TRHDE: variants seen among roughly 807,000 people sequenced by gnomAD.
TRHDE encodes thyrotropin-releasing hormone-degrading ectoenzyme.
Under a neutral mutation model 125.7 loss-of-function variants are expected in TRHDE, and 72 were observed. The ratio of observed to expected loss-of-function variants is 0.57; its 90% CI spans 0.47 to 0.70. The LOEUF (loss-of-function observed/expected upper bound fraction) is 0.70, where lower values mean the gene tolerates loss of function less well. Ranked by LOEUF, TRHDE falls within the 30% of genes least tolerant of loss-of-function variation. TRHDE has a pLI of 0.00. For synonymous variants in TRHDE, 509 were observed against 509.1 expected, an observed-to-expected ratio of 1.00 and a Z score of 0.00; for missense variants, 1,110 against 1,327.1, an observed-to-expected ratio of 0.84 and a Z score of 2.54.
In TRHDE at chr12:72,220,853, T is replaced by C. The variant is rs368612059; in HGVS notation, n.279+115101T>C. On this transcript the variant is annotated intron_variant and non_coding_transcript_variant, in intron 2 of 4. Transcript: ENST00000548156. ...CTACTGGATATTTTTGATGTGGGTT[T>C]TTTTGTTGCCTTTCCTTATTATGAA... is the stretch of plus-strand genomic sequence containing the variant. Among the ~76,000 whole-genome samples the C allele has an allele frequency of 9.9e-5, 15 of 152,264 alleles. No homozygotes were observed. In the South Asian group the frequency reaches 1.9e-3, roughly 19 times the overall value.
At chr12:72,563,121 C>T in intron 9 of TRHDE, 81 bp downstream of exon 9, 1 of 1,060,096 alleles carries the variant, frequency 9.4e-7, no homozygotes, top group Non-Finnish European at 1.4e-6. Flanking sequence ...GCATTAATAA[C>T]AAAATTCTGA....
chr12:72,271,181 C>T (rs1465603189), upstream of TRHDE, among the ~76,000 whole-genome samples: 1 of 152,226 alleles, frequency 6.6e-6, no homozygotes, highest in East Asian at 1.9e-4. Flanking sequence ...TTGGCCTTTA[C>T]TTCCGGAGGA....
At chr12:72,433,159 T>C (rs1874573078) in intron 3 of TRHDE, among the ~76,000 whole-genome samples, 1 of 152,146 alleles carries the variant, frequency 6.6e-6, no homozygotes, top group Non-Finnish European at 1.5e-5. Context: ...TATTTAGCCA[T>C]GGTATATAAT....
intron 2 of TRHDE, among the ~76,000 whole-genome samples, chr12:72,352,118 G>T (rs2044305): frequency 6.6e-6 from 1 of 151,490 alleles, no homozygotes; most frequent in Non-Finnish European, 1.5e-5. Context: ...GTCATAACAG[G>T]GTTGTTGTCA....
At chr12:72,542,015 G>A (rs780063422) in intron 6 of TRHDE, among the ~76,000 whole-genome samples, 21 of 151,322 alleles carry the variant, frequency 1.4e-4, no homozygotes, top group South Asian at 4.1e-4. Flanking sequence ...AAAATATTGA[G>A]TACTCCTGAA....
intron 2 of TRHDE, among the ~76,000 whole-genome samples, chr12:72,297,043 AAC>A (rs1210430889): frequency 6.6e-6 from 1 of 152,194 alleles, no homozygotes; most frequent in African/African-American, 2.4e-5. Flanking sequence ...GGGAAATAGC[AAC>A]ACTCTTTTGT....
chr12:72,279,115 G>T (rs1300377244), intron 1 of TRHDE, among the ~76,000 whole-genome samples: 1 of 152,150 alleles, frequency 6.6e-6, no homozygotes, highest in Non-Finnish European at 1.5e-5. Context: ...CAACATGTTT[G>T]TTTATTTAAA....
intron 3 of TRHDE, among the ~76,000 whole-genome samples, chr12:72,386,595 T>A (rs1017717882): frequency 1.3e-5 from 2 of 152,188 alleles, no homozygotes; most frequent in Non-Finnish European, 2.9e-5. Flanking sequence ...TCACTCCAGC[T>A]ACTGACCCAT....
chr12:72,469,636 AAAAATCACTAAGT>A (rs1876548008), intron 3 of TRHDE, 109 bp from the exon 4 acceptor site: 1 of 1,129,874 alleles, frequency 8.9e-7, no homozygotes, highest in Non-Finnish European at 1.3e-6. Context: ...AATTTGCCAA[AAAAATCACTAAGT>A]AAAATCAAGT....
At chr12:72,531,447 ATAGATTT>A in intron 6 of TRHDE, among the ~76,000 whole-genome samples, 1 of 152,126 alleles carries the variant, frequency 6.6e-6, no homozygotes, top group Non-Finnish European at 1.5e-5. Flanking sequence ...CTTTTATCAT[ATAGATTT>A]TAAAGTTCAG....
At chr12:72,335,364 C>A (rs1002050882) in intron 2 of TRHDE, among the ~76,000 whole-genome samples, 3 of 152,104 alleles carry the variant, frequency 2.0e-5, no homozygotes, top group African/African-American at 7.2e-5. Flanking sequence ...ACAGTGGACA[C>A]CCATGTATGA....
At chr12:72,287,728 T>C (rs1879943488) in intron 2 of TRHDE, among the ~76,000 whole-genome samples, 1 of 152,176 alleles carries the variant, frequency 6.6e-6, no homozygotes, top group Non-Finnish European at 1.5e-5. Flanking sequence ...GAGCATTGTC[T>C]GCATTAAATT....
intron 12 of TRHDE, chr12:72,610,952 G>A: frequency 6.5e-6 from 1 of 153,252 alleles, no homozygotes. Context: ...GAGGGCCACT[G>A]CCAATGAGCT....
intron 2 of TRHDE, among the ~76,000 whole-genome samples, chr12:72,306,444 G>A (rs1868342548): frequency 6.6e-6 from 1 of 152,034 alleles, no homozygotes; most frequent in Non-Finnish European, 1.5e-5. Context: ...TTCTAGTACT[G>A]AACCATATAA....
intron 2 of TRHDE, among the ~76,000 whole-genome samples, chr12:72,133,110 G>A (rs1400262243): frequency 6.6e-6 from 1 of 152,196 alleles, no homozygotes; most frequent in African/African-American, 2.4e-5. Context: ...GACATTGAAA[G>A]CTTTTGTAAG....
At chr12:72,349,526 GC>G (rs1274954048) in intron 2 of TRHDE, among the ~76,000 whole-genome samples, 1 of 151,152 alleles carries the variant, frequency 6.6e-6, no homozygotes. Flanking sequence ...TAGTTGGCAT[GC>G]TTTTAGGTCC....
intron 5 of TRHDE, among the ~76,000 whole-genome samples, chr12:72,485,365 T>C (rs1877353818): frequency 6.6e-6 from 1 of 152,192 alleles, no homozygotes; most frequent in Non-Finnish European, 1.5e-5. Context: ...ATTCCTGAGC[T>C]GATCTGCTGC....
intron 9 of TRHDE, among the ~76,000 whole-genome samples, chr12:72,564,292 T>C (rs907956812): frequency 6.6e-6 from 1 of 152,150 alleles, no homozygotes; most frequent in Non-Finnish European, 1.5e-5. Context: ...CCAAGTGCTG[T>C]TTCTAATCTT....
intron 3 of TRHDE, among the ~76,000 whole-genome samples, chr12:72,395,568 C>T (rs760084249): frequency 6.6e-6 from 1 of 152,090 alleles, no homozygotes; most frequent in Non-Finnish European, 1.5e-5. Flanking sequence ...TGACTCATCT[C>T]ATATCCTCCA....
Sources: allele counts gnomAD v4.1 joint callset (sites outside exome capture counted in the v4.1 genomes callset), GRCh38; gene constraint gnomAD v4.1.1; transcripts MANE v1.5; gene names NCBI Gene and HGNC (gene_info 2026-07-23, HGNC 2026-07-21).